The following MSH4 variants were observed in gnomAD, a reference collection of about 807,000 sequenced individuals.
MSH4 encodes mutS protein homolog 4.
MSH4 carries 106 observed loss-of-function variants against 113.7 expected under a neutral mutation model. That is an observed-to-expected ratio of 0.93 (90% CI 0.80 to 1.10). The LOEUF (loss-of-function observed/expected upper bound fraction) is 1.10. Among genes scored for constraint, MSH4 ranks in the 50% least tolerant of loss-of-function variants. MSH4 has a pLI of 0.00. For missense variants in MSH4, 1,061 were observed against 1,093.7 expected, an observed-to-expected ratio of 0.97 and a Z score of 0.42; for synonymous variants, 368 against 380.2, an observed-to-expected ratio of 0.97 and a Z score of 0.37.
rs139547196 is a variant in MSH4, at chr1:75,843,904, C to T, written c.1163-4305C>T. ...TCGGCTCACTGTAACCTCCGCCTCC[C>T]GGGTTCAAGCGATTCTCCTGCCTCA... On this transcript the variant is annotated intron_variant, in intron 7 of 19. Transcript: ENST00000263187. Among the ~76,000 whole-genome samples, 1,248 of 152,108 alleles carry T rather than the reference C, an allele frequency of 8.2e-3. 46 individuals carry two copies. In the East Asian group the frequency reaches 0.13, roughly 15 times the overall value.
intron 9 of MSH4, among the ~76,000 whole-genome samples, chr1:75,870,762 T>A (rs542309030): frequency 1.2e-4 from 19 of 152,334 alleles, no homozygotes; most frequent in African/African-American, 2.6e-4. Context: ...CTTGGGTATG[T>A]CTTTCTTAGC....
chr1:75,897,460 A>G (rs1281923573), intron 17 of MSH4, among the ~76,000 whole-genome samples: 1 of 152,172 alleles, frequency 6.6e-6, no homozygotes, highest in African/African-American at 2.4e-5. Flanking sequence ...TCTTGATTCC[A>G]CTGCCAAAAC....
At chr1:75,815,571 A>G (rs887863825) in intron 5 of MSH4, among the ~76,000 whole-genome samples, 3 of 152,244 alleles carry the variant, frequency 2.0e-5, no homozygotes, top group African/African-American at 2.4e-5. Context: ...AGCATGAGAC[A>G]GAGAATGGTA....
intron 1 of MSH4, among the ~76,000 whole-genome samples, chr1:75,802,329 A>G (rs544183336): frequency 1.3e-5 from 2 of 152,226 alleles, no homozygotes; most frequent in Non-Finnish European, 2.9e-5. Context: ...TTGATTTGTG[A>G]GGGAAAGCTT....
At chr1:75,853,002 T>C (rs1485025583) in intron 8 of MSH4, among the ~76,000 whole-genome samples, 1 of 152,294 alleles carries the variant, frequency 6.6e-6, no homozygotes, top group Admixed American at 6.5e-5. Flanking sequence ...TATACAGAGC[T>C]GAGCCTGCGT....
intron 9 of MSH4, among the ~76,000 whole-genome samples, chr1:75,869,829 GA>G (rs1277990919): frequency 6.6e-6 from 1 of 152,220 alleles, no homozygotes; most frequent in Non-Finnish European, 1.5e-5. Context: ...GGACAGTGCA[GA>G]AGGAAAATGG....
chr1:75,799,647 C>T (rs146366840), intron 1 of MSH4, among the ~76,000 whole-genome samples: 2 of 152,264 alleles, frequency 1.3e-5, no homozygotes, highest in East Asian at 3.9e-4. Flanking sequence ...TGTAAAACTG[C>T]TAATAATTTT....
chr1:75,797,230 G>C lies in MSH4; in HGVS notation c.244+1G>C. ...GCGCCAAACTCCCGGCCAGCTCAAG[G>C]CAAGGAGTGATTGGGTGGAGGAGTC... On this transcript the variant is annotated splice_donor_variant, in intron 1 of 19. Transcript: ENST00000263187. LOFTEE classifies it high-confidence loss of function. 6.2e-7 allele frequency: 1 copy of C among 1,602,652 alleles called. No homozygotes were observed. Among genetic ancestry groups the C allele is most frequent in the South Asian group, 1.1e-5 (1 of 89,476 alleles).
intron 9 of MSH4, among the ~76,000 whole-genome samples, chr1:75,875,319 C>T (rs1651796558): frequency 6.6e-6 from 1 of 152,168 alleles, no homozygotes; most frequent in African/African-American, 2.4e-5. Flanking sequence ...GATGTTGTAA[C>T]ACTGCAGAAA....
chr1:75,830,483 A>G (rs1386971056), intron 7 of MSH4, among the ~76,000 whole-genome samples: 3 of 152,174 alleles, frequency 2.0e-5, no homozygotes, highest in Non-Finnish European at 4.4e-5. Context: ...CAAGACACAT[A>G]ATTGTCAGAT....
At position 75,866,624 on chromosome 1, in the gene MSH4, A is replaced by G. The variant is rs12568401; in HGVS notation, c.1231-890A>G. Among the ~76,000 whole-genome samples, 1,245 of 152,192 alleles carry G rather than the reference A, an allele frequency of 8.2e-3. 36 individuals are homozygous for G. The highest frequency in any genetic ancestry group is 0.059 in the Admixed American group (902 of 15,262). On this transcript the variant is annotated intron_variant, in intron 8 of 19. Transcript: ENST00000263187. ...TTATTATGGCATTTTTTCTAAATTG[A>G]TGCATATGGTCACAGAACAGTCCAG...
In MSH4 at chr1:75,803,879, T is replaced by C. The variant is rs751273094; in HGVS notation, c.393T>C (p.Gly131=). 1 of 1,585,074 alleles carries C rather than the reference T, an allele frequency of 6.3e-7. No individual in the cohort carries two copies. Among genetic ancestry groups the C allele is most frequent in the Non-Finnish European group, 8.6e-7 (1 of 1,168,134 alleles). Residue 131 remains glycine (G), a synonymous_variant, in exon 2 of 20, where the codon GGT becomes GGC. Transcript: ENST00000263187. ...PLSTGNPQRS[G]YKSWTPQVGY... ...CTACTGGAAATCCTCAGAGATCAGG[T>C]TATAAGAGCTGGACACCACAAGTGG...
intron 19 of MSH4, among the ~76,000 whole-genome samples, chr1:75,901,904 C>G (rs900415291): frequency 7.2e-5 from 11 of 152,036 alleles, no homozygotes; most frequent in African/African-American, 2.7e-4. Flanking sequence ...TCCTTAATGA[C>G]TGGTGATGTT....
chr1:75,831,908 T>C (rs892598151), intron 7 of MSH4, among the ~76,000 whole-genome samples: 2 of 152,118 alleles, frequency 1.3e-5, no homozygotes, highest in African/African-American at 4.8e-5. Flanking sequence ...ATTCAAAAGC[T>C]AGCAGAAGAT....
rs1651874769 is a variant in MSH4 at position 75,879,013 on chromosome 1, A to C, written c.1562A>C (p.Glu521Ala). ...DIAGMISQLG[E>A]KYSLPLRTSF... Reference sequence around the variant, plus strand: ...CCAGGAATGATATCACAACTTGGAGAAAAATATAGTCTACCTTTAAGGACA... The same window carrying C: ...CCAGGAATGATATCACAACTTGGAGCAAAATATAGTCTACCTTTAAGGACA... The change falls in exon 12 of 20, where the codon GAA becomes GCA. Residue 521 changes from glutamate (E) to alanine (A), a missense_variant. Physicochemically the swap from Glu to Ala is moderately radical, Grantham distance 107. Coordinates refer to ENST00000263187, the MANE Select transcript of MSH4 (RefSeq NM_002440.4). The C allele has an allele frequency of 6.2e-7, 1 of 1,609,274 alleles. No individual in the cohort carries two copies. Among genetic ancestry groups the C allele is most frequent in the Non-Finnish European group, 8.5e-7 (1 of 1,176,982 alleles).
At chr1:75,854,011 G>GTACATATATATATATATATATATATA (rs72458089) in intron 8 of MSH4, among the ~76,000 whole-genome samples, 1 of 112,134 alleles carries the variant, frequency 8.9e-6, no homozygotes, top group Admixed American at 9.2e-5. Context: ...AAGTGTGTGT[G>GTACATATATATATATATATATATATA]TGTATATATA....
rs543398289 is a variant in MSH4, at chr1:75,875,692, G to A, written c.1306-1244G>A. Among the ~76,000 whole-genome samples the A allele has an allele frequency of 2.6e-5, 4 of 152,224 alleles. No individual in the cohort carries two copies. The South Asian group carries it at 6.2e-4, about 24-fold the overall frequency. ...AATATAGCATTATAGGTGGATACTGGAAATTATTAGTTGTTGCTGTCATTT... is the reference window on the plus strand; with the variant it reads ...AATATAGCATTATAGGTGGATACTGAAAATTATTAGTTGTTGCTGTCATTT... On this transcript the variant is annotated intron_variant, in intron 9 of 19. Transcript: ENST00000263187.
intron 16 of MSH4, among the ~76,000 whole-genome samples, chr1:75,890,487 T>G (rs1241449411): frequency 1.3e-5 from 2 of 152,082 alleles, no homozygotes; most frequent in Non-Finnish European, 2.9e-5. Flanking sequence ...CATATGCATA[T>G]GTCTATTTAT....
chr1:75,828,865 C>G (rs1036603962), intron 7 of MSH4, among the ~76,000 whole-genome samples: 19 of 152,264 alleles, frequency 1.2e-4, no homozygotes, highest in African/African-American at 4.6e-4. Context: ...CAGCTCCAGT[C>G]TGCAGCTCCC....
Sources: gnomAD v4.1 joint callset for allele counts (sites outside exome capture counted in the v4.1 genomes callset) on GRCh38, gnomAD v4.1.1 for gene constraint, MANE v1.5 for transcripts, NCBI Gene and HGNC (gene_info 2026-07-23, HGNC 2026-07-21) for gene names.